Variants in PDE4B observed in about 807,000 individuals in gnomAD.
PDE4B encodes 3',5'-cyclic-AMP phosphodiesterase 4B.
In PDE4B, 20 loss-of-function variants were observed where a neutral mutation model predicts 82.2. The observed-to-expected ratio is 0.24, with a 90% CI of 0.17 to 0.35. PDE4B has a LOEUF of 0.35. Ranked by LOEUF, PDE4B falls within the 10% of genes least tolerant of loss-of-function variation. The probability of loss-of-function intolerance (pLI) is 1.00; values close to 1 mark genes in which losing one functional copy is unlikely to be tolerated. For synonymous variants in PDE4B, 320 were observed against 318.9 expected (o/e 1.00, Z -0.04); for missense variants, 655 against 907.2 (o/e 0.72, Z 3.57).
chr1:65,978,116 C>T (rs933745794), intron 3 of PDE4B, among the ~76,000 whole-genome samples: 10 of 149,482 alleles, frequency 6.7e-5, no homozygotes, highest in African/African-American at 2.5e-4. Flanking sequence ...CAACGTCCGC[C>T]TCCCAGGTTC....
At chr1:65,929,887 A>G (rs1334728116) in intron 3 of PDE4B, among the ~76,000 whole-genome samples, 2 of 152,160 alleles carry the variant, frequency 1.3e-5, no homozygotes, top group African/African-American at 4.8e-5. Context: ...TTTGAGTCTA[A>G]TCATATTAAG....
chr1:66,048,810 C>G (rs1262070810), intron 3 of PDE4B: 1 of 151,888 alleles, frequency 6.6e-6, no homozygotes, highest in African/African-American at 2.4e-5. Flanking sequence ...GAGATCACTT[C>G]CTTTTCACTG....
At chr1:65,894,238 G>A (rs1167059596) in intron 1 of PDE4B, among the ~76,000 whole-genome samples, 1 of 152,094 alleles carries the variant, frequency 6.6e-6, no homozygotes, top group East Asian at 1.9e-4. Context: ...CTAAGATAGA[G>A]AGTCCAGAAA....
chr1:66,225,528 C>A (rs529873524), intron 3 of PDE4B, among the ~76,000 whole-genome samples: 1 of 152,330 alleles, frequency 6.6e-6, no homozygotes, highest in African/African-American at 2.4e-5. Flanking sequence ...AGGTCTGTTT[C>A]TCCCTAGGCA....
At chr1:65,893,779 G>A (rs1646878669) in intron 1 of PDE4B, among the ~76,000 whole-genome samples, 2 of 151,946 alleles carry the variant, frequency 1.3e-5, no homozygotes. Flanking sequence ...AGAAATTGTG[G>A]TATATATATG....
intron 7 of PDE4B, among the ~76,000 whole-genome samples, chr1:66,273,530 T>G (rs778414860): frequency 2.7e-4 from 41 of 152,244 alleles, no homozygotes; most frequent in Non-Finnish European, 5.3e-4. Context: ...TTTTAACCCT[T>G]CATCTTCTTG....
chr1:66,256,194 GACA>G (rs1462282815), intron 4 of PDE4B, among the ~76,000 whole-genome samples: 2 of 151,970 alleles, frequency 1.3e-5, no homozygotes, highest in East Asian at 3.9e-4. Context: ...ACAAAATAAT[GACA>G]ACAACAGCAA....
chr1:65,888,850 T>G (rs1040004718), intron 1 of PDE4B, among the ~76,000 whole-genome samples: 1 of 152,126 alleles, frequency 6.6e-6, no homozygotes, highest in Non-Finnish European at 1.5e-5. Flanking sequence ...AGTTTTTTTG[T>G]GGAGTCTATA....
At chr1:65,793,993 G>A (rs973983360) in intron 1 of PDE4B, among the ~76,000 whole-genome samples, 12 of 152,168 alleles carry the variant, frequency 7.9e-5, no homozygotes, top group African/African-American at 1.4e-4. Context: ...GCTTTAAAGC[G>A]TGTATAAGGA....
chr1:66,068,901 T>A (rs1656007803), intron 3 of PDE4B, among the ~76,000 whole-genome samples: 1 of 152,016 alleles, frequency 6.6e-6, no homozygotes, highest in Non-Finnish European at 1.5e-5. Context: ...TGGTTACCTG[T>A]AGGTAAGTGT....
At chr1:66,253,250 A>G (rs1570562184) in intron 4 of PDE4B, among the ~76,000 whole-genome samples, 1 of 151,366 alleles carries the variant, frequency 6.6e-6, no homozygotes, top group Admixed American at 6.6e-5. Flanking sequence ...CCACTATAGT[A>G]TATATCTCTC....
intron 1 of PDE4B, among the ~76,000 whole-genome samples, chr1:65,861,533 C>CT (rs1387376157): frequency 6.6e-6 from 1 of 152,126 alleles, no homozygotes; most frequent in East Asian, 1.9e-4. Flanking sequence ...TATACAGGCT[C>CT]TTTTTTGGTT....
intron 1 of PDE4B, among the ~76,000 whole-genome samples, chr1:65,797,286 G>C (rs1005941270): frequency 1.3e-5 from 2 of 152,142 alleles, no homozygotes; most frequent in Non-Finnish European, 2.9e-5. Flanking sequence ...TGTAATCTTT[G>C]TCAGATAATT....
At chr1:66,005,692 A>G (rs1652111221) in intron 3 of PDE4B, among the ~76,000 whole-genome samples, 1 of 152,188 alleles carries the variant, frequency 6.6e-6, no homozygotes, top group Non-Finnish European at 1.5e-5. Flanking sequence ...GGTCTGTCTA[A>G]ATTAATAAAA....
At chr1:66,104,827 T>C (rs1203560981) in intron 3 of PDE4B, among the ~76,000 whole-genome samples, 3 of 148,666 alleles carry the variant, frequency 2.0e-5, no homozygotes, top group Non-Finnish European at 1.5e-5. Flanking sequence ...TCATTGTAGA[T>C]TCTGGATATT....
chr1:65,809,208 G>A (rs894874189), intron 1 of PDE4B, among the ~76,000 whole-genome samples: 9 of 151,818 alleles, frequency 5.9e-5, no homozygotes, highest in Non-Finnish European at 1.5e-5. Context: ...GCACGGGCCT[G>A]TAATCCCAGC....
At chr1:66,015,208 G>T (rs573425941) in intron 3 of PDE4B, among the ~76,000 whole-genome samples, 1 of 152,178 alleles carries the variant, frequency 6.6e-6, no homozygotes, top group East Asian at 1.9e-4. Context: ...GTAAATAATT[G>T]TAGGATTGAT....
At chr1:66,135,786 T>C (rs1286931721) in intron 3 of PDE4B, among the ~76,000 whole-genome samples, 1 of 152,206 alleles carries the variant, frequency 6.6e-6, no homozygotes, top group Non-Finnish European at 1.5e-5. Context: ...TGGTCAATTT[T>C]TGCTCTCCAA....
chr1:65,995,205 C>T (rs965121295), intron 3 of PDE4B, among the ~76,000 whole-genome samples: 63 of 152,170 alleles, frequency 4.1e-4, no homozygotes, highest in African/African-American at 1.5e-3. Context: ...CTCACACATT[C>T]CCCTTCTGAT....
Sources: allele counts gnomAD v4.1 joint callset (sites outside exome capture counted in the v4.1 genomes callset), GRCh38; gene constraint gnomAD v4.1.1; transcripts MANE v1.5; gene names NCBI Gene and HGNC (gene_info 2026-07-23, HGNC 2026-07-21).